The following MAML3 variants were observed in gnomAD, a reference collection of about 807,000 sequenced individuals.
MAML3 encodes mastermind-like protein 3.
In MAML3, 27 loss-of-function variants were observed where a neutral mutation model predicts 101.9. The observed-to-expected ratio is 0.27, with a 90% CI of 0.20 to 0.37. MAML3 has a LOEUF of 0.37. Ranked by LOEUF, MAML3 falls within the 10% of genes least tolerant of loss-of-function variation. The pLI is 1.00. For synonymous variants in MAML3, 501 were observed against 555.9 expected (o/e 0.90, Z 1.39); for missense variants, 1,316 against 1,444.9 (o/e 0.91, Z 1.45).
intron 1 of MAML3, among the ~76,000 whole-genome samples, chr4:140,129,232 T>C (rs537913463): frequency 6.6e-6 from 1 of 152,264 alleles, no homozygotes; most frequent in East Asian, 1.9e-4. Context: ...TATTATCACT[T>C]TTTTCCATCA....
intron 1 of MAML3, among the ~76,000 whole-genome samples, chr4:140,030,024 T>C (rs964132606): frequency 2.0e-5 from 3 of 150,556 alleles, no homozygotes; most frequent in Non-Finnish European, 2.9e-5. Context: ...ATTCTGTGAG[T>C]AGGAAGAAAC....
intron 1 of MAML3, among the ~76,000 whole-genome samples, chr4:140,045,491 C>A (rs1727168129): frequency 6.6e-6 from 1 of 150,908 alleles, no homozygotes; most frequent in Non-Finnish European, 1.5e-5. Flanking sequence ...TGTATTGGGA[C>A]TTTTTTTCAA....
intron 1 of MAML3, among the ~76,000 whole-genome samples, chr4:140,146,920 G>A (rs1393049085): frequency 1.3e-5 from 2 of 151,642 alleles, no homozygotes; most frequent in Non-Finnish European, 1.5e-5. Context: ...CAGATCACAA[G>A]GTCAGGAGAT....
At chr4:139,747,357 C>T (rs1006210074) in intron 2 of MAML3, among the ~76,000 whole-genome samples, 1 of 152,170 alleles carries the variant, frequency 6.6e-6, no homozygotes, top group Non-Finnish European at 1.5e-5. Flanking sequence ...GCATGCATCT[C>T]TTTAGTTAGA....
At chr4:140,029,400 C>T (rs79566633) in intron 1 of MAML3, among the ~76,000 whole-genome samples, 1,523 of 152,282 alleles carry the variant, frequency 0.01, 28 homozygotes, top group African/African-American at 0.035. Context: ...TGGGTGATAT[C>T]CATGCTCACA....
intron 1 of MAML3, among the ~76,000 whole-genome samples, chr4:140,132,210 C>T (rs1439623514): frequency 1.3e-5 from 2 of 152,236 alleles, no homozygotes; most frequent in Admixed American, 6.5e-5. Flanking sequence ...CACGAATGCT[C>T]GTGCTCCCTT....
intron 1 of MAML3, among the ~76,000 whole-genome samples, chr4:139,910,627 C>T (rs1350036): frequency 0.33 from 50,757 of 151,898 alleles, 11,115 homozygotes; most frequent in Non-Finnish European, 0.49. Flanking sequence ...ATATTAGGAA[C>T]AAGAATGGAG....
At chr4:139,789,492 G>A (rs751669017) in intron 2 of MAML3, among the ~76,000 whole-genome samples, 15 of 152,198 alleles carry the variant, frequency 9.9e-5, no homozygotes, top group Non-Finnish European at 1.9e-4. Context: ...GCACACAGCA[G>A]GTTGAGTCCG....
chr4:139,928,079 G>A (rs1200556288), intron 1 of MAML3, among the ~76,000 whole-genome samples: 1 of 152,198 alleles, frequency 6.6e-6, no homozygotes, highest in Non-Finnish European at 1.5e-5. Context: ...GTCTGTGTGT[G>A]TGTATATATG....
At chr4:139,727,953 C>T (rs1328197761) in intron 3 of MAML3, among the ~76,000 whole-genome samples, 1 of 152,164 alleles carries the variant, frequency 6.6e-6, no homozygotes, top group Non-Finnish European at 1.5e-5. Context: ...CCGTGGCTCA[C>T]ACCTGTAACC....
At chr4:139,741,515 G>T (rs904527385) in intron 2 of MAML3, among the ~76,000 whole-genome samples, 2 of 152,212 alleles carry the variant, frequency 1.3e-5, no homozygotes, top group East Asian at 3.8e-4. Context: ...ACTTTGGGAG[G>T]CTGAGGTGGG....
In MAML3 at chr4:139,720,424, T is replaced by C. The variant is rs569532730; in HGVS notation, c.2417-101A>G. Reference sequence around the variant, plus strand: ...CTTTGGGAATGACAAAATTCCTTTATATGAAAGGATCTACTCTGATAATAA... The same window carrying C: ...CTTTGGGAATGACAAAATTCCTTTACATGAAAGGATCTACTCTGATAATAA... On this transcript the variant is annotated intron_variant, in intron 4 of 4. Transcript: ENST00000509479. 1.4e-5 allele frequency: 14 copies of C among 1,023,116 alleles called. No individual in the cohort carries two copies. In the South Asian group the frequency reaches 2.6e-4, roughly 19 times the overall value. The allele number at this position is 1,023,116 out of a possible 1,614,324, so 63.4% of individuals were successfully genotyped here.
At chr4:140,037,241 GA>G (rs36104617) in intron 1 of MAML3, among the ~76,000 whole-genome samples, 12 of 138,884 alleles carry the variant, frequency 8.6e-5, no homozygotes, top group African/African-American at 2.2e-4. Context: ...CCCTCTGCTT[GA>G]AAAAAAAAAA....
intron 2 of MAML3, among the ~76,000 whole-genome samples, chr4:139,859,640 CTG>C (rs1292751530): frequency 6.6e-6 from 1 of 152,136 alleles, no homozygotes; most frequent in Non-Finnish European, 1.5e-5. Context: ...GTGCTAGGAA[CTG>C]TGTTACTTGA....
intron 1 of MAML3, among the ~76,000 whole-genome samples, chr4:140,053,915 T>A (rs899630881): frequency 5.3e-5 from 8 of 152,194 alleles, no homozygotes; most frequent in African/African-American, 1.9e-4. Context: ...TCAGGCAGGC[T>A]AGGGTTTTGG....
chr4:139,833,873 A>G (rs1447739051), intron 2 of MAML3, among the ~76,000 whole-genome samples: 2 of 152,002 alleles, frequency 1.3e-5, no homozygotes, highest in Non-Finnish European at 2.9e-5. Context: ...TCACACGGGA[A>G]CCTGAATTAG....
chr4:139,825,101 C>G (rs1204130193), intron 2 of MAML3, among the ~76,000 whole-genome samples: 3 of 152,054 alleles, frequency 2.0e-5, no homozygotes, highest in East Asian at 1.9e-4. Flanking sequence ...ATTAATGAAG[C>G]CTATCTAGAC....
In MAML3 at chr4:139,949,150, G is replaced by A. The variant is rs543146969; in HGVS notation, c.469-58183C>T. 3.3e-5 allele frequency among the ~76,000 whole-genome samples: 5 copies of A among 152,148 alleles called. No homozygotes were observed. In the South Asian group the frequency reaches 1.0e-3, roughly 32 times the overall value. On this transcript the variant is annotated intron_variant, in intron 1 of 4. Coordinates refer to ENST00000509479, the MANE Select transcript of MAML3 (RefSeq NM_018717.5). Reference sequence around the variant, plus strand: ...CCTGCCTCAGCCTCCCTAGTAGCTGGGACTACAGGCACGCGGCACGACACC... The same window carrying A: ...CCTGCCTCAGCCTCCCTAGTAGCTGAGACTACAGGCACGCGGCACGACACC...
At chr4:140,045,468 A>G (rs1727167730) in intron 1 of MAML3, among the ~76,000 whole-genome samples, 1 of 151,300 alleles carries the variant, frequency 6.6e-6, no homozygotes, top group Non-Finnish European at 1.5e-5. Flanking sequence ...GTTTTTTTTA[A>G]TATTGCAATC....
Sources: gnomAD v4.1 joint callset for allele counts (sites outside exome capture counted in the v4.1 genomes callset) on GRCh38, gnomAD v4.1.1 for gene constraint, MANE v1.5 for transcripts, NCBI Gene and HGNC (gene_info 2026-07-23, HGNC 2026-07-21) for gene names.